The following FGGY variants were observed in gnomAD, a reference collection of about 807,000 sequenced individuals.
FGGY encodes the protein FGGY carbohydrate kinase domain-containing protein.
A neutral mutation model predicts 71.3 loss-of-function variants in FGGY; 72 were observed. That is an observed-to-expected ratio of 1.01 (90% CI 0.84 to 1.23). The LOEUF (loss-of-function observed/expected upper bound fraction) is 1.23, where lower values mean the gene tolerates loss of function less well. Among genes scored for constraint, FGGY ranks in the 50% most tolerant of loss-of-function variants. The pLI is 0.00. For synonymous variants in FGGY, 251 were observed against 250.3 expected, an observed-to-expected ratio of 1.00 and a Z score of -0.02; for missense variants, 668 against 682.3, an observed-to-expected ratio of 0.98 and a Z score of 0.23.
At chr1:59,375,919 T>G (rs536609045) in intron 4 of FGGY, among the ~76,000 whole-genome samples, 9 of 150,326 alleles carry the variant, frequency 6.0e-5, no homozygotes, top group African/African-American at 2.2e-4. Flanking sequence ...TTAAGAAGAT[T>G]GTTGTGCTTT....
At chr1:59,694,062 G>A (rs536809327) in intron 14 of FGGY, among the ~76,000 whole-genome samples, 7 of 151,650 alleles carry the variant, frequency 4.6e-5, no homozygotes, top group Admixed American at 1.3e-4. Context: ...AGCACTTTGG[G>A]AGGCTGAGGA....
chr1:59,758,009 T>A lies in FGGY; in HGVS notation c.1574+17T>A, dbSNP rs1217324073. 1 of 1,588,566 alleles carries A rather than the reference T, an allele frequency of 6.3e-7. No homozygotes were observed. Among genetic ancestry groups the A allele is most frequent in the Admixed American group, 1.7e-5 (1 of 59,776 alleles). ...GGATAAAAAGTAAGTGTGTATTTTTTATATGTACAGTGCTAAGGAAGTGAG... is the reference window on the plus strand; with the variant it reads ...GGATAAAAAGTAAGTGTGTATTTTTAATATGTACAGTGCTAAGGAAGTGAG... On this transcript the variant is annotated intron_variant, in intron 15 of 15. Coordinates refer to ENST00000303721, the MANE Select transcript of FGGY (RefSeq NM_018291.5).
intron 6 of FGGY, among the ~76,000 whole-genome samples, chr1:59,484,765 T>C (rs2093608592): frequency 1.3e-5 from 2 of 152,194 alleles, no homozygotes; most frequent in African/African-American, 4.8e-5. Flanking sequence ...TTATATTTCT[T>C]TGTAAGTCAG....
intron 7 of FGGY, among the ~76,000 whole-genome samples, chr1:59,535,090 T>C (rs543936482): frequency 5.9e-5 from 9 of 152,028 alleles, no homozygotes; most frequent in African/African-American, 2.2e-4. Context: ...GAAACCCATC[T>C]CACCTGCAGA....
At chr1:59,354,547 G>T (rs2053917322) in intron 4 of FGGY, among the ~76,000 whole-genome samples, 1 of 152,180 alleles carries the variant, frequency 6.6e-6, no homozygotes, top group Non-Finnish European at 1.5e-5. Flanking sequence ...CGTTTGCTTT[G>T]CAGGCTTTGC....
chr1:59,567,706 T>A (rs955743943), intron 8 of FGGY, among the ~76,000 whole-genome samples: 2 of 151,716 alleles, frequency 1.3e-5, no homozygotes, highest in Non-Finnish European at 2.9e-5. Context: ...GGTCAGTTAT[T>A]TTTATATATG....
At chr1:59,487,881 T>G (rs1046812901) in intron 6 of FGGY, among the ~76,000 whole-genome samples, 1 of 152,110 alleles carries the variant, frequency 6.6e-6, no homozygotes, top group Non-Finnish European at 1.5e-5. Context: ...GCATCATCTT[T>G]GTTTTAATTT....
intron 9 of FGGY, among the ~76,000 whole-genome samples, chr1:59,615,914 C>T (rs1257518058): frequency 1.3e-5 from 2 of 152,120 alleles, no homozygotes. Flanking sequence ...CATCACTGGC[C>T]ATCAGAGAAA....
At chr1:59,410,312 A>G (rs566404959) in intron 5 of FGGY, among the ~76,000 whole-genome samples, 1 of 152,270 alleles carries the variant, frequency 6.6e-6, no homozygotes, top group South Asian at 2.1e-4. Flanking sequence ...CTTGGTCTTT[A>G]CACATGTTCT....
Position 59,324,678 on chromosome 1 carries a change from TAAG to T in FGGY, c.201+2935_201+2937del, listed in dbSNP as rs1280304613. Among the ~76,000 whole-genome samples the T allele has an allele frequency of 4.6e-5, 7 of 152,298 alleles. 1 individual carries two copies. The South Asian group carries it at 6.2e-4, about 14-fold the overall frequency. On this transcript the variant is annotated intron_variant, in intron 2 of 15. Transcript: ENST00000303721. ...AGTAAGCAGCCTAAGGTCTCCTGAATAAGAAGAAGGGGACGCTGTCCCTGCCAC... is the reference window on the plus strand; with the variant it reads ...AGTAAGCAGCCTAAGGTCTCCTGAATAAGAAGGGGACGCTGTCCCTGCCAC...
intron 5 of FGGY, among the ~76,000 whole-genome samples, chr1:59,441,408 G>A (rs1292800542): frequency 6.6e-6 from 1 of 152,156 alleles, no homozygotes; most frequent in African/African-American, 2.4e-5. Flanking sequence ...GCTGAACTGG[G>A]TTGCTTATGC....
intron 2 of FGGY, among the ~76,000 whole-genome samples, chr1:59,322,136 C>T (rs1025556699): frequency 6.6e-6 from 1 of 151,972 alleles, no homozygotes; most frequent in Non-Finnish European, 1.5e-5. Context: ...TTCACATGAC[C>T]CTATAAAGGT....
At chr1:59,587,272 A>G (rs542505230) in intron 8 of FGGY, among the ~76,000 whole-genome samples, 17,993 of 151,018 alleles carry the variant, frequency 0.12, 1,261 homozygotes, top group South Asian at 0.29. Context: ...AGGCTTGCTT[A>G]GGTAAGCAAA....
chr1:59,542,226 G>T (rs2095450632), intron 7 of FGGY, among the ~76,000 whole-genome samples: 2 of 152,084 alleles, frequency 1.3e-5, no homozygotes, highest in Non-Finnish European at 1.5e-5. Flanking sequence ...CATGTCGTTG[G>T]CTCCTCAGGA....
intron 5 of FGGY, among the ~76,000 whole-genome samples, chr1:59,401,405 G>A (rs536897329): frequency 6.6e-6 from 1 of 152,160 alleles, no homozygotes; most frequent in Non-Finnish European, 1.5e-5. Flanking sequence ...TGATATGATG[G>A]AGACCCTTGC....
chr1:59,377,413 A>C (rs2058794668), intron 4 of FGGY, among the ~76,000 whole-genome samples: 1 of 152,134 alleles, frequency 6.6e-6, no homozygotes, highest in South Asian at 2.1e-4. Flanking sequence ...GGCAGGAGAG[A>C]GAAGTGCAGA....
intron 6 of FGGY, 101 bp downstream of exon 6, chr1:59,457,177 A>G (rs2091788131): frequency 3.7e-6 from 3 of 813,210 alleles, no homozygotes; most frequent in South Asian, 3.2e-5. Flanking sequence ...TGTATGCATG[A>G]AAATACAGGA....
chr1:59,493,414 T>TAAAC (rs35750799), intron 6 of FGGY, among the ~76,000 whole-genome samples: 76,453 of 151,546 alleles, frequency 0.5, 19,759 homozygotes, highest in African/African-American at 0.62. Context: ...GCAGAACTGA[T>TAAAC]AAAATGTGAT....
At chr1:59,724,329 A>G (rs544193321) in intron 14 of FGGY, among the ~76,000 whole-genome samples, 1 of 134,832 alleles carries the variant, frequency 7.4e-6, no homozygotes, top group Non-Finnish European at 1.6e-5. Context: ...ACAAAAAAAA[A>G]AAAAATTAGC....
Sources: gnomAD v4.1 joint callset for allele counts (sites outside exome capture counted in the v4.1 genomes callset) on GRCh38, gnomAD v4.1.1 for gene constraint, MANE v1.5 for transcripts, NCBI Gene and HGNC (gene_info 2026-07-23, HGNC 2026-07-21) for gene names.